The following FYTTD1 variants were observed in gnomAD, a reference collection of about 807,000 sequenced individuals.
FYTTD1 encodes the protein forty-two-three domain containing 1.
FYTTD1 carries 22 observed loss-of-function variants against 40.9 expected under a neutral mutation model. The ratio of observed to expected loss-of-function variants is 0.54; its 90% CI spans 0.38 to 0.77. The LOEUF (loss-of-function observed/expected upper bound fraction) is 0.77, where lower values mean the gene tolerates loss of function less well. Among genes scored for constraint, FYTTD1 ranks in the 30% least tolerant of loss-of-function variants. FYTTD1 has a pLI of 0.00. For missense variants in FYTTD1, 351 were observed against 392.2 expected, an observed-to-expected ratio of 0.90 and a Z score of 0.89; for synonymous variants, 140 against 137.9, an observed-to-expected ratio of 1.01 and a Z score of -0.10.
Position 197,781,975 on chromosome 3 carries a change from C to A in FYTTD1, c.*66C>A. 1.0e-5 allele frequency: 9 copies of A among 885,140 alleles called. No individual in the cohort carries two copies. Among genetic ancestry groups the A allele is most frequent in the East Asian group, 2.8e-5 (1 of 36,036 alleles). 54.8% of individuals were successfully genotyped at this position (885,140 alleles called of 1,614,324 possible). A position where few individuals can be genotyped will look rare whatever the true frequency, so the allele number is the denominator to read the frequency against. The stretch of plus-strand genomic sequence containing the variant: ...GTTGAATTGCTTGAAGAGTTCATCA[C>A]GGAAATTCAAGAAACTTTACTTCAA... On this transcript the variant is annotated 3_prime_UTR_variant, in exon 9 of 9. Transcript: ENST00000241502.
chr3:197,763,182 G>A (rs1403142378), intron 2 of FYTTD1, among the ~76,000 whole-genome samples: 1 of 151,794 alleles, frequency 6.6e-6, no homozygotes, highest in Non-Finnish European at 1.5e-5. Flanking sequence ...GGGAGCCCGA[G>A]GTGGGTGGAT....
chr3:197,757,578 C>T (rs184901040), intron 2 of FYTTD1, among the ~76,000 whole-genome samples: 2 of 152,256 alleles, frequency 1.3e-5, no homozygotes, highest in Non-Finnish European at 2.9e-5. Context: ...AATCTGAGAC[C>T]AGCTTGGGCA....
chr3:197,785,163 G>C lies in FYTTD1; in HGVS notation c.*3254G>C, dbSNP rs1031759721. 2 of 152,166 alleles carry C rather than the reference G, an allele frequency of 1.3e-5. No homozygotes were observed. Among genetic ancestry groups the C allele is most frequent in the Admixed American group, 6.5e-5 (1 of 15,280 alleles). 9.4% of individuals were successfully genotyped at this position (152,166 alleles called of 1,614,324 possible). A position where few individuals can be genotyped will look rare whatever the true frequency, so the allele number is the denominator to read the frequency against. ...TAGGTAGACCTGTTAGAAAAGTCCA[G>C]TGTTCCTAATCAGATATGCATTTTT... On this transcript the variant is annotated 3_prime_UTR_variant, in exon 9 of 9. Transcript: ENST00000241502.
At chr3:197,764,758 A>T (rs76087140) in intron 2 of FYTTD1, among the ~76,000 whole-genome samples, 1 of 151,546 alleles carries the variant, frequency 6.6e-6, no homozygotes, top group Non-Finnish European at 1.5e-5. Context: ...AAGAGAAAAA[A>T]AAAACAGCAG....
intron 5 of FYTTD1, 39 bp downstream of exon 5, chr3:197,773,538 T>TGTTG (rs774065663): frequency 7.8e-7 from 1 of 1,283,256 alleles, no homozygotes; most frequent in Non-Finnish European, 1.1e-6. Flanking sequence ...TTTGTTTGTT[T>TGTTG]GTTTTTTCCC....
At chr3:197,755,353 T>C (rs1729181663) in intron 1 of FYTTD1, among the ~76,000 whole-genome samples, 1 of 152,354 alleles carries the variant, frequency 6.6e-6, no homozygotes, top group East Asian at 1.9e-4. Context: ...ATGTAGTATA[T>C]GCTCAGTAAA....
At chr3:197,764,130 A>G (rs565124418) in intron 2 of FYTTD1, among the ~76,000 whole-genome samples, 4 of 152,226 alleles carry the variant, frequency 2.6e-5, no homozygotes, top group South Asian at 4.1e-4. Context: ...GAATGTGGGT[A>G]CTCTGGAACT....
intron 2 of FYTTD1, among the ~76,000 whole-genome samples, chr3:197,758,663 A>T (rs1356469095): frequency 1.3e-5 from 2 of 152,218 alleles, no homozygotes; most frequent in African/African-American, 4.8e-5. Context: ...GCAGCTTAGG[A>T]TCTCCTAAGA....
At position 197,786,979 on chromosome 3, in the gene FYTTD1, A is replaced by C. The variant is rs1001474669; in HGVS notation, c.*5070A>C. ...ACAGCCAACTAATTTTTGTGTTTTT[A>C]GTAGAAATGAGTTTTCACCATGTTG... is the stretch of plus-strand genomic sequence containing the variant. On this transcript the variant is annotated 3_prime_UTR_variant, in exon 9 of 9. Transcript: ENST00000241502. The C allele has an allele frequency of 1.3e-5, 2 of 151,996 alleles. No homozygotes were observed. The highest frequency in any genetic ancestry group is 4.2e-4 in the South Asian group (2 of 4,818). The allele number at this position is 151,996 out of a possible 1,614,324, so 9.4% of individuals were successfully genotyped here.
At position 197,749,983 on chromosome 3, in the gene FYTTD1, T is replaced by C; in HGVS notation, c.12T>C (p.Phe4=). The C allele has an allele frequency of 6.3e-7, 1 of 1,580,864 alleles. No homozygotes were observed. The highest frequency in any genetic ancestry group is 8.6e-7 in the Non-Finnish European group (1 of 1,165,228). The change falls in exon 1 of 9, where the codon TTT becomes TTC. Residue 4 remains phenylalanine (F), a synonymous_variant. Coordinates refer to ENST00000241502, the MANE Select transcript of FYTTD1 (RefSeq NM_032288.7). ...CGACGTCTCCAGCCATGAACCGGTT[T>C]GGTACCCGGTTGGTGGGAGCCACGG... The part of the protein sequence containing the change: MNR[F]GTRLVGATAT...
intron 2 of FYTTD1, among the ~76,000 whole-genome samples, chr3:197,762,648 C>T (rs754253390): frequency 9.2e-5 from 14 of 151,792 alleles, no homozygotes; most frequent in Admixed American, 2.0e-4. Context: ...TTTGGGAGGC[C>T]GAGGCAGGCA....
Position 197,782,054 on chromosome 3 carries a change from T to TAAA in FYTTD1, c.*154_*156dup. 2 of 341,146 alleles carry TAAA rather than the reference T, an allele frequency of 5.9e-6. No homozygotes were observed. The highest frequency in any genetic ancestry group is 8.4e-5 in the South Asian group (1 of 11,882). 21.1% of individuals were successfully genotyped at this position (341,146 alleles called of 1,614,324 possible). A position where few individuals can be genotyped will look rare whatever the true frequency, so the allele number is the denominator to read the frequency against. On this transcript the variant is annotated 3_prime_UTR_variant, in exon 9 of 9. Coordinates refer to ENST00000241502, the MANE Select transcript of FYTTD1 (RefSeq NM_032288.7). Reference sequence around the variant, plus strand: ...TTTTATTTTTGAAGGTTTTTTTTTTTAAAAAAAAAAACGTATAAAATAATG... The same window carrying TAAA: ...TTTTATTTTTGAAGGTTTTTTTTTTTAAAAAAAAAAAAAACGTATAAAATAATG...
intron 2 of FYTTD1, among the ~76,000 whole-genome samples, chr3:197,761,638 T>C (rs1426340083): frequency 6.6e-6 from 1 of 152,208 alleles, no homozygotes; most frequent in African/African-American, 2.4e-5. Flanking sequence ...GGTGGAATGG[T>C]ATAGAGTTCT....
At chr3:197,755,438 T>C (rs565399322) in intron 1 of FYTTD1, among the ~76,000 whole-genome samples, 2 of 151,822 alleles carry the variant, frequency 1.3e-5, no homozygotes, top group Non-Finnish European at 2.9e-5. Flanking sequence ...TGGAAGGTGG[T>C]CATCTTTTTT....
intron 3 of FYTTD1, 125 bp from the exon 4 acceptor site, chr3:197,770,007 C>T (rs1000854002): frequency 2.7e-5 from 17 of 625,260 alleles, no homozygotes; most frequent in South Asian, 2.1e-5. Context: ...TTTGTTTCTC[C>T]GTCTCCCTTA....
At chr3:197,771,543 G>A (rs1420415562) in intron 4 of FYTTD1, among the ~76,000 whole-genome samples, 1 of 152,040 alleles carries the variant, frequency 6.6e-6, no homozygotes, top group African/African-American at 2.4e-5. Flanking sequence ...TTGGGAGGCC[G>A]AGGCGGGCGG....
chr3:197,777,106 A>C (rs2109053962), intron 7 of FYTTD1, 105 bp downstream of exon 7: 1 of 695,198 alleles, frequency 1.4e-6, no homozygotes, highest in Non-Finnish European at 2.5e-6. Flanking sequence ...GTTGGGATGA[A>C]CCAGGAAGAC....
At chr3:197,758,280 A>G (rs1306622434) in intron 2 of FYTTD1, among the ~76,000 whole-genome samples, 1 of 151,802 alleles carries the variant, frequency 6.6e-6, no homozygotes, top group African/African-American at 2.4e-5. Flanking sequence ...TTTTAAAATA[A>G]CTGTTGAGAG....
chr3:197,758,575 T>A (rs111404184), intron 2 of FYTTD1, among the ~76,000 whole-genome samples: 9 of 152,330 alleles, frequency 5.9e-5, no homozygotes, highest in African/African-American at 2.2e-4. Context: ...TGAAATATGA[T>A]CTGGTCCATG....
Sources: gnomAD v4.1 joint callset for allele counts (sites outside exome capture counted in the v4.1 genomes callset) on GRCh38, gnomAD v4.1.1 for gene constraint, MANE v1.5 for transcripts, NCBI Gene and HGNC (gene_info 2026-07-23, HGNC 2026-07-21) for gene names.